RALGPS1: variants seen among roughly 807,000 people sequenced by gnomAD.
RALGPS1 encodes Ral GEF with PH domain and SH3 binding motif 1, also known as ras-specific guanine nucleotide-releasing factor RalGPS1.
Under a neutral mutation model 78.8 loss-of-function variants are expected in RALGPS1, and 19 were observed. The observed-to-expected ratio is 0.24, with a 90% confidence interval of 0.17 to 0.35. The LOEUF is 0.35. Among genes scored for constraint, RALGPS1 ranks in the 10% least tolerant of loss-of-function variants. The pLI is 1.00. For missense variants in RALGPS1, 454 were observed against 688.3 expected, an observed-to-expected ratio of 0.66 and a Z score of 3.81; for synonymous variants, 228 against 256.3, an observed-to-expected ratio of 0.89 and a Z score of 1.06.
At chr9:127,095,268 C>G (rs776923216) in intron 8 of RALGPS1, among the ~76,000 whole-genome samples, 19 of 152,148 alleles carry the variant, frequency 1.2e-4, no homozygotes, top group African/African-American at 4.3e-4. Context: ...TGTGGTGGCA[C>G]GCACCTGTGA....
Position 127,069,435 on chromosome 9 carries a change from A to C in RALGPS1, c.610+79A>C, listed in dbSNP as rs891461754. 2.6e-6 allele frequency: 4 copies of C among 1,538,000 alleles called. No homozygotes were observed. In the African/African-American group the frequency reaches 5.5e-5, roughly 21 times the overall value. On this transcript the variant is annotated intron_variant, in intron 8 of 18. Coordinates refer to ENST00000259351, the MANE Select transcript of RALGPS1 (RefSeq NM_014636.3). ...AAGATGTTTTTACAGTTTCTACCTGAAAAATTTCCAGGAAGCGACATGGCC... is the reference window on the plus strand; with the variant it reads ...AAGATGTTTTTACAGTTTCTACCTGCAAAATTTCCAGGAAGCGACATGGCC...
intron 5 of RALGPS1, among the ~76,000 whole-genome samples, chr9:127,042,012 C>G (rs1427424044): frequency 1.3e-5 from 2 of 152,126 alleles, no homozygotes; most frequent in African/African-American, 2.4e-5. Flanking sequence ...CTCTTGGTTT[C>G]TAAGAAAACT....
chr9:126,930,811 C>G (rs566983639), intron 1 of RALGPS1, among the ~76,000 whole-genome samples: 1 of 152,278 alleles, frequency 6.6e-6, no homozygotes, highest in East Asian at 1.9e-4. Flanking sequence ...GATTCTTATT[C>G]ATTTCTACAA....
chr9:127,010,635 G>C (rs138042227), intron 4 of RALGPS1, among the ~76,000 whole-genome samples: 33 of 152,300 alleles, frequency 2.2e-4, no homozygotes, highest in African/African-American at 7.0e-4. Flanking sequence ...TGCCTTTCGT[G>C]TTCATATTGT....
At chr9:126,952,654 A>AGTGT (rs1392225698) in intron 1 of RALGPS1, among the ~76,000 whole-genome samples, 49 of 138,112 alleles carry the variant, frequency 3.5e-4, no homozygotes, top group Non-Finnish European at 5.1e-4. Context: ...AGAGAGAGAG[A>AGTGT]GAGTGTGTGT....
chr9:126,979,621 A>C (rs1448954347), intron 4 of RALGPS1, among the ~76,000 whole-genome samples: 4 of 152,312 alleles, frequency 2.6e-5, no homozygotes, highest in African/African-American at 9.6e-5. Context: ...GATCCTTGCC[A>C]GGCTGCTGGA....
chr9:127,046,766 G>T lies in RALGPS1; in HGVS notation c.301-3277G>T, dbSNP rs1277057253. ...GAGGTGGGAGGATACTCAAGCCCAG[G>T]AGTTTGAGGTTGGAAGGACAGATGT... On this transcript the variant is annotated intron_variant, in intron 5 of 18. Transcript: ENST00000259351. 5.3e-5 allele frequency among the ~76,000 whole-genome samples: 8 copies of T among 151,756 alleles called. No individual in the cohort carries two copies. In the East Asian group the frequency reaches 1.5e-3, roughly 29 times the overall value.
intron 13 of RALGPS1, 80 bp from the exon 14 acceptor site, chr9:127,198,935 G>T: frequency 8.0e-7 from 1 of 1,257,294 alleles, no homozygotes; most frequent in South Asian, 1.2e-5. Flanking sequence ...GAGCTCAGGG[G>T]GCCTGGGCTC....
chr9:127,091,623 A>C lies in RALGPS1; in HGVS notation c.610+22267A>C. 6.3e-7 allele frequency: 1 copy of C among 1,585,126 alleles called. No homozygotes were observed. The highest frequency in any genetic ancestry group is 8.6e-7 in the Non-Finnish European group (1 of 1,164,436). ...GAGTCAGGGGCTCTGGCTCTGGTTG[A>C]CCTCTTTTCCCTACCCTGCACCTGG... On this transcript the variant is annotated intron_variant, in intron 8 of 18. Coordinates refer to ENST00000259351, the MANE Select transcript of RALGPS1 (RefSeq NM_014636.3). This position sits in a 1 kb window ranked among gnomAD's most constrained non-coding sequence, Gnocchi z 4.3.
chr9:127,158,049 T>C (rs957092262), intron 8 of RALGPS1, among the ~76,000 whole-genome samples: 1 of 152,174 alleles, frequency 6.6e-6, no homozygotes, highest in Non-Finnish European at 1.5e-5. Flanking sequence ...TTTATTAATG[T>C]GATTGGTCTC....
At chr9:126,973,953 A>G (rs1253307185) in intron 3 of RALGPS1, among the ~76,000 whole-genome samples, 3 of 152,104 alleles carry the variant, frequency 2.0e-5, no homozygotes, top group African/African-American at 7.2e-5. Flanking sequence ...GCTCACTGCA[A>G]CCCACTCCTC....
At chr9:127,170,150 A>G (rs2059495623) in intron 10 of RALGPS1, among the ~76,000 whole-genome samples, 1 of 152,238 alleles carries the variant, frequency 6.6e-6, no homozygotes, top group South Asian at 2.1e-4. Flanking sequence ...AAAACTGTAG[A>G]GAACTGTAGC....
intron 8 of RALGPS1, among the ~76,000 whole-genome samples, chr9:127,082,145 T>G (rs1323270375): frequency 6.6e-6 from 1 of 152,202 alleles, no homozygotes; most frequent in Non-Finnish European, 1.5e-5. Context: ...GGAACCCAGT[T>G]ACCAGATAAT....
chr9:127,125,292 G>C (rs981207934), intron 8 of RALGPS1, among the ~76,000 whole-genome samples: 43 of 152,234 alleles, frequency 2.8e-4, no homozygotes, highest in African/African-American at 1.0e-3. Flanking sequence ...AGGGGTGTGT[G>C]CGGGCCATGT....
chr9:126,953,371 A>G (rs1224767575), intron 1 of RALGPS1, among the ~76,000 whole-genome samples: 2 of 147,148 alleles, frequency 1.4e-5, no homozygotes, highest in East Asian at 2.2e-4. Flanking sequence ...GTACACGTGC[A>G]TGCGTGTGTG....
chr9:127,097,153 G>A (rs1203993972), intron 8 of RALGPS1, among the ~76,000 whole-genome samples: 1 of 152,126 alleles, frequency 6.6e-6, no homozygotes, highest in Non-Finnish European at 1.5e-5. Context: ...TCTTTGTCGA[G>A]GTGTAAAACT....
At chr9:126,957,184 A>G (rs888141082) in intron 1 of RALGPS1, among the ~76,000 whole-genome samples, 6 of 152,348 alleles carry the variant, frequency 3.9e-5, no homozygotes, top group East Asian at 1.9e-4. Flanking sequence ...GGAGCCACCC[A>G]GTGAAGCTGA....
intron 1 of RALGPS1, among the ~76,000 whole-genome samples, chr9:126,925,833 A>C (rs2035225385): frequency 6.6e-6 from 1 of 152,198 alleles, no homozygotes; most frequent in Non-Finnish European, 1.5e-5. Context: ...CTTTAAGCTG[A>C]CACCTGAAAG....
chr9:127,025,217 G>A (rs577482451), intron 4 of RALGPS1, among the ~76,000 whole-genome samples: 2 of 152,232 alleles, frequency 1.3e-5, no homozygotes, highest in African/African-American at 4.8e-5. Context: ...TGATGTATGC[G>A]TCACTCTGTC....
Sources: gnomAD v4.1 joint callset for allele counts (sites outside exome capture counted in the v4.1 genomes callset) on GRCh38, gnomAD v4.1.1 for gene constraint, Gnocchi (gnomAD v3.1) non-coding constraint, MANE v1.5 for transcripts, NCBI Gene and HGNC (gene_info 2026-07-23, HGNC 2026-07-21) for gene names.